Variants in RBBP9 observed in about 807,000 individuals in gnomAD.
The protein encoded by RBBP9 is RB binding protein 9, serine hydrolase, also known as serine hydrolase RBBP9.
A neutral mutation model predicts 24.2 loss-of-function variants in RBBP9; 20 were observed. The observed-to-expected ratio is 0.83, with a 90% CI of 0.58 to 1.20. RBBP9 has a LOEUF of 1.20. Among genes scored for constraint, RBBP9 ranks in the 50% most tolerant of loss-of-function variants. The probability of loss-of-function intolerance (pLI) is 0.00; values close to 1 mark genes in which losing one functional copy is unlikely to be tolerated. For missense variants in RBBP9, 234 were observed against 233.6 expected (o/e 1.00, Z -0.01); for synonymous variants, 74 against 84.6 (o/e 0.87, Z 0.69).
chr20:18,496,797 G>T (rs954323126), intron 1 of RBBP9, among the ~76,000 whole-genome samples: 2 of 152,168 alleles, frequency 1.3e-5, no homozygotes, highest in East Asian at 1.9e-4. Context: ...AGCAGATACG[G>T]GGGGCGGGGC....
At chr20:18,492,460 T>G (rs2059869873) in intron 3 of RBBP9, among the ~76,000 whole-genome samples, 1 of 152,198 alleles carries the variant, frequency 6.6e-6, no homozygotes, top group African/African-American at 2.4e-5. Context: ...GTCTGTTTCC[T>G]CCTAACTAGA....
chr20:18,495,810 G>C (rs756196421), intron 2 of RBBP9, 28 bp downstream of exon 2: 1 of 1,532,232 alleles, frequency 6.5e-7, no homozygotes, highest in Admixed American at 1.7e-5. Context: ...ACAAGATGAG[G>C]CTATTTAAAA....
At position 18,487,411 on chromosome 20, in the gene RBBP9, G is replaced by C. The variant is rs1309394164; in HGVS notation, c.*2353C>G. The C allele has an allele frequency of 1.3e-5, 2 of 152,032 alleles. No homozygotes were observed. The highest frequency in any genetic ancestry group is 2.9e-5 in the Non-Finnish European group (2 of 68,014). The allele number at this position is 152,032 out of a possible 1,614,324, so 9.4% of individuals were successfully genotyped here. A position where few individuals can be genotyped will look rare whatever the true frequency, so the allele number is the denominator to read the frequency against. ...TTGTATAAGTTTCTTTTTTAGGAAA[G>C]GACTTCACAGAGAACAAGGCAAAGA... On this transcript the variant is annotated 3_prime_UTR_variant, in exon 5 of 5. Transcript: ENST00000337227.
At chr20:18,495,946 A>G (rs1411075822) in intron 1 of RBBP9, 66 bp from the exon 2 acceptor site, 20 of 1,304,278 alleles carry the variant, frequency 1.5e-5, no homozygotes, top group Non-Finnish European at 2.1e-5. Context: ...CTTTGCTAAT[A>G]AGAAATGAGG....
chr20:18,496,109 C>T (rs1186496848), intron 1 of RBBP9, among the ~76,000 whole-genome samples: 1 of 152,214 alleles, frequency 6.6e-6, no homozygotes, highest in Non-Finnish European at 1.5e-5. Context: ...CATTTGTACA[C>T]CCATATTTGC....
chr20:18,490,089 G>A, intron 4 of RBBP9, 99 bp from the exon 5 acceptor site: 1 of 815,972 alleles, frequency 1.2e-6, no homozygotes, highest in East Asian at 2.7e-5. Context: ...ACGCAAAGGA[G>A]CAGAGCCTCC....
chr20:18,496,072 T>G (rs2148875209), intron 1 of RBBP9, among the ~76,000 whole-genome samples, 192 bp from the exon 2 acceptor site: 3 of 152,394 alleles, frequency 2.0e-5, no homozygotes, highest in Admixed American at 2.0e-4. Flanking sequence ...GCAGCTCTGC[T>G]GATCTCTATA....
chr20:18,494,477 G>A (rs528758685), intron 2 of RBBP9, among the ~76,000 whole-genome samples: 4 of 151,724 alleles, frequency 2.6e-5, no homozygotes, highest in Non-Finnish European at 5.9e-5. Context: ...TCAGGAGTTC[G>A]AGACCAGCCT....
At position 18,489,662 on chromosome 20, in the gene RBBP9, C is replaced by T. The variant is rs2059856837; in HGVS notation, c.*102G>A. The T allele has an allele frequency of 1.4e-6, 1 of 727,016 alleles. No individual in the cohort carries two copies. Among genetic ancestry groups the T allele is most frequent in the Non-Finnish European group, 2.3e-6 (1 of 442,976 alleles). The allele number at this position is 727,016 out of a possible 1,614,324, so 45.0% of individuals were successfully genotyped here. On this transcript the variant is annotated 3_prime_UTR_variant, in exon 5 of 5. Coordinates refer to ENST00000337227, the MANE Select transcript of RBBP9 (RefSeq NM_006606.3). ...GAAACTTGTGTTTGTTTTTCAGGCA[C>T]TTACGGAACTTAACTGGATGTTCTA... is the stretch of plus-strand genomic sequence containing the variant.
At position 18,489,689 on chromosome 20, in the gene RBBP9, G is replaced by A; in HGVS notation, c.*75C>T. Reference sequence around the variant, plus strand: ...TACGGAACTTAACTGGATGTTCTATGTGTCTAGTAATCAGCTGATAGTAGA... The same window carrying A: ...TACGGAACTTAACTGGATGTTCTATATGTCTAGTAATCAGCTGATAGTAGA... On this transcript the variant is annotated 3_prime_UTR_variant, in exon 5 of 5. Coordinates refer to ENST00000337227, the MANE Select transcript of RBBP9 (RefSeq NM_006606.3). 5.2e-6 allele frequency: 5 copies of A among 954,838 alleles called. No homozygotes were observed. The highest frequency in any genetic ancestry group is 1.7e-5 in the South Asian group (1 of 60,304). 59.1% of individuals were successfully genotyped at this position (954,838 alleles called of 1,614,324 possible).
chr20:18,490,847 T>C (rs553757679), intron 3 of RBBP9, among the ~76,000 whole-genome samples: 154 of 152,138 alleles, frequency 1.0e-3, no homozygotes, highest in African/African-American at 3.6e-3. Flanking sequence ...GCCCAGCTAA[T>C]TTTGTATTTT....
chr20:18,489,890 T>C lies in RBBP9; in HGVS notation c.435A>G (p.Glu145=). 1 of 1,614,056 alleles carries C rather than the reference T, an allele frequency of 6.2e-7. No individual in the cohort carries two copies. Among genetic ancestry groups the C allele is most frequent in the Non-Finnish European group, 8.5e-7 (1 of 1,179,942 alleles). ...STDDPFLPWK[E]QQEVADRLET... ...CCAACCTATCGGCCACTTCTTGTTG[T>C]TCCTTCCAGGGAAGGAACGGGTCGT... Residue 145 remains glutamate, a synonymous_variant, in exon 5 of 5, where the codon GAA becomes GAG. Transcript: ENST00000337227.
rs772127049 is a variant in RBBP9, at chr20:18,494,059, T to G, written c.147A>C (p.Thr49=). The G allele has an allele frequency of 6.2e-7, 1 of 1,613,146 alleles. No homozygotes were observed. Among genetic ancestry groups the G allele is most frequent in the Non-Finnish European group, 8.5e-7 (1 of 1,179,440 alleles). Residue 49 remains threonine (T), a synonymous_variant, in exon 3 of 5, where the codon ACA becomes ACC. Coordinates refer to ENST00000337227, the MANE Select transcript of RBBP9 (RefSeq NM_006606.3). The part of the protein sequence containing the change: ...CLAKNMPDPI[T]ARESIWLPFM... Reference sequence around the variant, plus strand: ...AGGGCAGCCAGATGCTCTCTCGTGCTGTAACTTAAGGTTCAGGGTAAAGAA... The same window carrying G: ...AGGGCAGCCAGATGCTCTCTCGTGCGGTAACTTAAGGTTCAGGGTAAAGAA...
intron 2 of RBBP9, among the ~76,000 whole-genome samples, chr20:18,494,746 G>A (rs2059878871): frequency 6.6e-6 from 1 of 151,874 alleles, no homozygotes; most frequent in Non-Finnish European, 1.5e-5. Context: ...TTTCCAAAAA[G>A]GGGATTCCTG....
At chr20:18,491,908 C>A (rs963844378) in intron 3 of RBBP9, among the ~76,000 whole-genome samples, 15 of 151,888 alleles carry the variant, frequency 9.9e-5, no homozygotes, top group African/African-American at 3.1e-4. Flanking sequence ...ACCAGCCTGA[C>A]CAATATGGTG....
Position 18,489,978 on chromosome 20 carries a change from C to T in RBBP9, c.347G>A (p.Arg116His), listed in dbSNP as rs368159380. 31 of 1,601,916 alleles carry T rather than the reference C, an allele frequency of 1.9e-5. No individual in the cohort carries two copies. In the Admixed American group the frequency reaches 3.2e-4, roughly 16 times the overall value. Reference protein sequence around the residue: ...ENERASGYFTRPWQWEKIKAN... With the variant: ...ENERASGYFTHPWQWEKIKAN... ...CTTGATCTTCTCCCACTGCCAGGGG[C>T]GGGTGAAGTATCCTATGGGGAAAAA... Residue 116 changes from arginine (R) to histidine (H), a missense_variant, in exon 5 of 5, where the codon CGC becomes CAC. Coordinates refer to ENST00000337227, the MANE Select transcript of RBBP9 (RefSeq NM_006606.3).
At position 18,487,490 on chromosome 20, in the gene RBBP9, C is replaced by T. The variant is rs947668278; in HGVS notation, c.*2274G>A. The T allele has an allele frequency of 1.3e-5, 2 of 152,124 alleles. No individual in the cohort carries two copies. The highest frequency in any genetic ancestry group is 4.8e-5 in the African/African-American group (2 of 41,426). The allele number at this position is 152,124 out of a possible 1,614,324, so 9.4% of individuals were successfully genotyped here. A position where few individuals can be genotyped will look rare whatever the true frequency, so the allele number is the denominator to read the frequency against. On this transcript the variant is annotated 3_prime_UTR_variant, in exon 5 of 5. Coordinates refer to ENST00000337227, the MANE Select transcript of RBBP9 (RefSeq NM_006606.3). ...AAATTCAAGTAGAATCAAACTTTGA[C>T]TATAGATTTGGTCAAATTAGTGCTA...
At chr20:18,495,459 G>A (rs1042310053) in intron 2 of RBBP9, among the ~76,000 whole-genome samples, 7 of 151,406 alleles carry the variant, frequency 4.6e-5, no homozygotes, top group Non-Finnish European at 8.9e-5. Context: ...GCGGAAGGCC[G>A]CAGGGTCCTC....
intron 3 of RBBP9, among the ~76,000 whole-genome samples, chr20:18,493,704 C>G (rs2059873582): frequency 6.6e-6 from 1 of 152,164 alleles, no homozygotes; most frequent in Non-Finnish European, 1.5e-5. Flanking sequence ...AGAATCAGAG[C>G]TGACTGATGG....
Sources: allele counts gnomAD v4.1 joint callset (sites outside exome capture counted in the v4.1 genomes callset), GRCh38; gene constraint gnomAD v4.1.1; transcripts MANE v1.5; gene names NCBI Gene and HGNC (gene_info 2026-07-23, HGNC 2026-07-21).